Variants in CACNA2D1 observed in about 807,000 individuals in gnomAD.
The protein encoded by CACNA2D1 is calcium voltage-gated channel auxiliary subunit alpha2delta 1.
CACNA2D1 carries 53 observed loss-of-function variants against 171.5 expected under a neutral mutation model. That is an observed-to-expected ratio of 0.31 (90% CI 0.25 to 0.39). The LOEUF (loss-of-function observed/expected upper bound fraction) is 0.39. CACNA2D1 is among the 10% of genes least tolerant of loss of function. CACNA2D1 has a pLI of 1.00. For synonymous variants in CACNA2D1, 442 were observed against 443.1 expected, an observed-to-expected ratio of 1.00 and a Z score of 0.03; for missense variants, 903 against 1,299.8, an observed-to-expected ratio of 0.69 and a Z score of 4.69.
At chr7:82,169,102 T>G (rs888726182) in intron 4 of CACNA2D1, among the ~76,000 whole-genome samples, 21 of 152,192 alleles carry the variant, frequency 1.4e-4, no homozygotes, top group African/African-American at 5.1e-4. Flanking sequence ...AAACATATAT[T>G]TAGCTAGATT....
chr7:82,438,350 A>G (rs1215931124), intron 1 of CACNA2D1, among the ~76,000 whole-genome samples: 1 of 152,224 alleles, frequency 6.6e-6, no homozygotes, highest in African/African-American at 2.4e-5. Context: ...TTGCATATAC[A>G]TAAAATACTA....
intron 6 of CACNA2D1, among the ~76,000 whole-genome samples, chr7:82,111,434 A>C: frequency 1.0e-5 from 1 of 97,930 alleles, no homozygotes; most frequent in Admixed American, 1.1e-4. Flanking sequence ...GTGTGTATAT[A>C]TATATATATA....
chr7:82,152,687 A>G (rs7811521), intron 4 of CACNA2D1, among the ~76,000 whole-genome samples: 289 of 152,216 alleles, frequency 1.9e-3, no homozygotes, highest in African/African-American at 6.7e-3. Context: ...AAATTAAGTC[A>G]GGAACATGAT....
At chr7:82,119,006 A>G (rs1789406089) in intron 5 of CACNA2D1, among the ~76,000 whole-genome samples, 1 of 152,040 alleles carries the variant, frequency 6.6e-6, no homozygotes, top group Non-Finnish European at 1.5e-5. Context: ...TTATCTTTAT[A>G]TATTATGGCA....
At chr7:82,291,886 C>T (rs1049791479) in intron 3 of CACNA2D1, among the ~76,000 whole-genome samples, 3 of 151,626 alleles carry the variant, frequency 2.0e-5, no homozygotes, top group African/African-American at 7.3e-5. Flanking sequence ...AACTGCTATA[C>T]ATTTTTAAAA....
chr7:82,255,472 T>C (rs1563265607), intron 3 of CACNA2D1, among the ~76,000 whole-genome samples: 1 of 152,222 alleles, frequency 6.6e-6, no homozygotes, highest in Non-Finnish European at 1.5e-5. Context: ...CAGTTAATAA[T>C]TGGTATACCA....
intron 6 of CACNA2D1, among the ~76,000 whole-genome samples, chr7:82,092,411 G>T (rs994523703): frequency 6.6e-6 from 1 of 151,062 alleles, no homozygotes; most frequent in Non-Finnish European, 1.5e-5. Flanking sequence ...TCATTCTGTC[G>T]CCCAGGCTGG....
intron 10 of CACNA2D1, among the ~76,000 whole-genome samples, 188 bp downstream of exon 10, chr7:82,060,235 AATATG>A (rs1806675529): frequency 2.2e-5 from 1 of 44,814 alleles, no homozygotes; most frequent in Non-Finnish European, 5.2e-5. Flanking sequence ...ATATATATAT[AATATG>A]TATAAAAAAC....
chr7:82,032,993 A>ATG lies in CACNA2D1; in HGVS notation c.1039-93_1039-92insCA. The ATG allele has an allele frequency of 5.3e-6, 4 of 753,376 alleles. No homozygotes were observed. In the African/African-American group the frequency reaches 6.9e-5, roughly 13 times the overall value. The allele number at this position is 753,376 out of a possible 1,614,324, so 46.7% of individuals were successfully genotyped here. A position where few individuals can be genotyped will look rare whatever the true frequency, so the allele number is the denominator to read the frequency against. ...TATGGAACGAGCATGAGCAGGTTGCAAGTAATTAATGAAATATCTGCTCAC... is the reference window on the plus strand; with the variant it reads ...TATGGAACGAGCATGAGCAGGTTGCATGAGTAATTAATGAAATATCTGCTCAC... On this transcript the variant is annotated intron_variant, in intron 11 of 38. Transcript: ENST00000356860.
At chr7:82,331,587 A>C (rs1817302988) in intron 3 of CACNA2D1, among the ~76,000 whole-genome samples, 1 of 152,206 alleles carries the variant, frequency 6.6e-6, no homozygotes, top group African/African-American at 2.4e-5. Context: ...TTCTACACTT[A>C]ATTAGCCATT....
intron 3 of CACNA2D1, among the ~76,000 whole-genome samples, chr7:82,315,673 T>TA (rs1374709346): frequency 6.6e-6 from 1 of 152,144 alleles, no homozygotes; most frequent in East Asian, 1.9e-4. Flanking sequence ...ATTAACCTGC[T>TA]ACATGCAAAT....
At chr7:82,162,518 A>T (rs576095313) in intron 4 of CACNA2D1, among the ~76,000 whole-genome samples, 1 of 152,110 alleles carries the variant, frequency 6.6e-6, no homozygotes, top group East Asian at 1.9e-4. Flanking sequence ...ATTCCTTTCA[A>T]TTCCTATAGC....
chr7:82,359,707 C>T (rs866922515), intron 1 of CACNA2D1, among the ~76,000 whole-genome samples: 3 of 152,188 alleles, frequency 2.0e-5, no homozygotes, highest in Middle Eastern at 6.8e-3. Flanking sequence ...TACAGCCTGT[C>T]CTACAAAATG....
At chr7:82,430,641 T>C (rs1397638624) in intron 1 of CACNA2D1, among the ~76,000 whole-genome samples, 5 of 152,162 alleles carry the variant, frequency 3.3e-5, no homozygotes, top group Non-Finnish European at 7.3e-5. Context: ...TCCATTTATA[T>C]TGCAAAGTGA....
chr7:82,218,096 G>A (rs532427631), intron 3 of CACNA2D1, among the ~76,000 whole-genome samples: 3 of 151,738 alleles, frequency 2.0e-5, no homozygotes, highest in East Asian at 1.9e-4. Context: ...CACCACGCCC[G>A]GCTAATCTTT....
chr7:82,225,178 A>C (rs899130010), intron 3 of CACNA2D1, among the ~76,000 whole-genome samples: 4 of 152,224 alleles, frequency 2.6e-5, no homozygotes, highest in African/African-American at 9.6e-5. Flanking sequence ...AACAAAGAAA[A>C]CATTGTACAG....
At chr7:82,325,984 A>G (rs1191151170) in intron 3 of CACNA2D1, among the ~76,000 whole-genome samples, 1 of 152,020 alleles carries the variant, frequency 6.6e-6, no homozygotes, top group Non-Finnish European at 1.5e-5. Context: ...GCATGTCTCA[A>G]TTGCCCCATG....
intron 1 of CACNA2D1, among the ~76,000 whole-genome samples, chr7:82,406,832 T>C (rs1166969672): frequency 2.0e-5 from 3 of 152,132 alleles, no homozygotes. Flanking sequence ...AATCTTAGAA[T>C]TTTTTTGTCT....
chr7:82,057,440 T>G (rs1806054984), intron 10 of CACNA2D1, among the ~76,000 whole-genome samples: 1 of 152,092 alleles, frequency 6.6e-6, no homozygotes, highest in African/African-American at 2.4e-5. Flanking sequence ...TCCAAGTGTG[T>G]ATGTGTTGGG....
Sources: allele counts gnomAD v4.1 joint callset (sites outside exome capture counted in the v4.1 genomes callset), GRCh38; gene constraint gnomAD v4.1.1; transcripts MANE v1.5; gene names NCBI Gene and HGNC (gene_info 2026-07-23, HGNC 2026-07-21).